The following APP variants were observed in gnomAD, a reference collection of about 807,000 sequenced individuals.
The protein encoded by APP is amyloid-beta precursor protein.
Under a neutral mutation model 101.4 loss-of-function variants are expected in APP, and 31 were observed. That is an observed-to-expected ratio of 0.31 (90% CI 0.23 to 0.41). APP has a LOEUF of 0.41. Ranked by LOEUF, APP falls within the 10% of genes least tolerant of loss-of-function variation. The pLI is 1.00. For missense variants in APP, 839 were observed against 1,003.7 expected, an observed-to-expected ratio of 0.84 and a Z score of 2.22; for synonymous variants, 366 against 364.4, an observed-to-expected ratio of 1.00 and a Z score of -0.05.
chr21:25,943,881 T>C (rs1443815774), intron 13 of APP, among the ~76,000 whole-genome samples: 3 of 152,230 alleles, frequency 2.0e-5, no homozygotes, highest in Non-Finnish European at 4.4e-5. Context: ...CAGAATACTA[T>C]ACTTAAAAAT....
intron 2 of APP, 49 bp downstream of exon 2, chr21:26,111,930 C>T: frequency 6.2e-7 from 1 of 1,607,418 alleles, no homozygotes. Context: ...TTTTTGAAAA[C>T]AAATGCATGT....
intron 1 of APP, among the ~76,000 whole-genome samples, chr21:26,141,737 T>A (rs1487719145): frequency 1.3e-5 from 2 of 152,186 alleles, no homozygotes; most frequent in African/African-American, 4.8e-5. Flanking sequence ...CAACCCTAAG[T>A]TTGGTACTTT....
intron 3 of APP, among the ~76,000 whole-genome samples, chr21:26,063,798 A>G (rs1458898681): frequency 1.3e-5 from 2 of 152,232 alleles, no homozygotes; most frequent in Non-Finnish European, 2.9e-5. Flanking sequence ...CTGCTCCTTA[A>G]TTGTGGGCTG....
chr21:25,942,307 C>T (rs1007951305), intron 13 of APP: 2 of 152,180 alleles, frequency 1.3e-5, no homozygotes, highest in African/African-American at 4.8e-5. Flanking sequence ...TCACTGGACA[C>T]AGAGACACTG....
In APP at chr21:25,880,655, A is replaced by C. The variant is rs202108412; in HGVS notation, c.*1015T>G. The C allele has an allele frequency of 1.3e-5, 2 of 152,222 alleles. No individual in the cohort carries two copies. Among genetic ancestry groups the C allele is most frequent in the Non-Finnish European group, 2.9e-5 (2 of 68,038 alleles). 9.4% of individuals were successfully genotyped at this position (152,222 alleles called of 1,614,324 possible). A position where few individuals can be genotyped will look rare whatever the true frequency, so the allele number is the denominator to read the frequency against. On this transcript the variant is annotated 3_prime_UTR_variant, in exon 18 of 18. Coordinates refer to ENST00000346798, the MANE Select transcript of APP (RefSeq NM_000484.4). ...CCAGGCATGCCTTCCTCATCCCCTT[A>C]TATTGCCACTTCCATTTTCATCTTC...
chr21:26,143,907 T>C (rs2063101619), intron 1 of APP, among the ~76,000 whole-genome samples: 1 of 152,218 alleles, frequency 6.6e-6, no homozygotes, highest in Admixed American at 6.5e-5. Context: ...GGTCAAATTA[T>C]GTAGCCTCCC....
In APP at chr21:25,975,206, G is replaced by A; in HGVS notation, c.1322C>T (p.Ser441Phe). 1 of 1,614,156 alleles carries A rather than the reference G, an allele frequency of 6.2e-7. No homozygotes were observed. The highest frequency in any genetic ancestry group is 1.3e-5 in the African/African-American group (1 of 75,044). Residue 441 changes from serine (S) to phenylalanine (F), a missense_variant, in exon 11 of 18, where the codon TCT (serine) becomes TTT (phenylalanine). Physicochemically the swap from Ser to Phe is radical, Grantham distance 155. Transcript: ENST00000346798. ...CTCGTTGGCTGCTTCCTGTTCCAAA[G>A]ATTCCACTTTCTCCTGGAAATGCTG... ...VIQHFQEKVESLEQEAANERQ... is the reference protein window; with the variant it reads ...VIQHFQEKVEFLEQEAANERQ...
intron 3 of APP, among the ~76,000 whole-genome samples, chr21:26,086,797 T>C (rs561816713): frequency 3.3e-5 from 5 of 152,356 alleles, no homozygotes; most frequent in African/African-American, 7.2e-5. Context: ...TTTAGTGCTA[T>C]TGTCTCTAAT....
intron 1 of APP, among the ~76,000 whole-genome samples, chr21:26,170,094 C>T (rs1034482554): frequency 6.6e-6 from 1 of 152,126 alleles, no homozygotes; most frequent in African/African-American, 2.4e-5. Flanking sequence ...CCTGGGCTGT[C>T]CCGACTCCTC....
chr21:25,924,801 A>G (rs1030365831), intron 13 of APP, among the ~76,000 whole-genome samples: 46 of 151,446 alleles, frequency 3.0e-4, no homozygotes, highest in African/African-American at 1.1e-3. Flanking sequence ...AAAAGCTCTG[A>G]TTTGGACACC....
At chr21:26,127,845 T>C (rs979095009) in intron 1 of APP, among the ~76,000 whole-genome samples, 1 of 152,190 alleles carries the variant, frequency 6.6e-6, no homozygotes, top group African/African-American at 2.4e-5. Flanking sequence ...CTAATCATAT[T>C]GTCTCAACTT....
At chr21:25,908,868 T>C (rs1463391264) in intron 14 of APP, among the ~76,000 whole-genome samples, 2 of 152,210 alleles carry the variant, frequency 1.3e-5, no homozygotes, top group African/African-American at 4.8e-5. Flanking sequence ...CAGAAGCACA[T>C]AGCAGGGCTG....
At chr21:26,004,463 T>C (rs2043433139) in intron 6 of APP, among the ~76,000 whole-genome samples, 1 of 149,946 alleles carries the variant, frequency 6.7e-6, no homozygotes, top group Non-Finnish European at 1.5e-5. Context: ...GCTAATTTTT[T>C]TCGATTTTTT....
chr21:25,892,514 A>C (rs1311552516), intron 16 of APP, among the ~76,000 whole-genome samples: 1 of 146,824 alleles, frequency 6.8e-6, no homozygotes, highest in Non-Finnish European at 1.5e-5. Context: ...AACCTTTAGC[A>C]GTGTAATGCT....
intron 12 of APP, among the ~76,000 whole-genome samples, chr21:25,955,321 G>A (rs1201774217): frequency 6.6e-6 from 1 of 152,064 alleles, no homozygotes; most frequent in Non-Finnish European, 1.5e-5. Context: ...AGTTGAACCA[G>A]TTTTCAAGAT....
At chr21:26,145,109 T>C (rs1160569021) in intron 1 of APP, among the ~76,000 whole-genome samples, 4 of 152,196 alleles carry the variant, frequency 2.6e-5, no homozygotes. Flanking sequence ...TGGAATGGGA[T>C]GGCTTGCCTG....
chr21:25,883,406 G>GA (rs922783986), intron 17 of APP, among the ~76,000 whole-genome samples: 23 of 147,866 alleles, frequency 1.6e-4, no homozygotes, highest in African/African-American at 4.8e-4. Context: ...CCATCTCCAA[G>GA]AAAAAAAAGG....
At position 26,154,766 on chromosome 21, in the gene APP, T is replaced by C. The variant is rs941115836; in HGVS notation, c.57+15798A>G. Among the ~76,000 whole-genome samples the C allele has an allele frequency of 2.0e-5, 3 of 152,200 alleles. No homozygotes were observed. The East Asian group carries it at 5.8e-4, about 29-fold the overall frequency. ...ACAACTCAACATCTCCAGATATTAC[T>C]TTCTTCATCTGTAAAGTGGAGAAGC... On this transcript the variant is annotated intron_variant, in intron 1 of 17. Transcript: ENST00000346798.
intron 11 of APP, among the ~76,000 whole-genome samples, chr21:25,963,185 C>A (rs1431573296): frequency 3.9e-5 from 6 of 152,124 alleles, no homozygotes; most frequent in Non-Finnish European, 7.3e-5. Flanking sequence ...TATACGATTT[C>A]TCAAATTTGG....
Sources: allele counts gnomAD v4.1 joint callset (sites outside exome capture counted in the v4.1 genomes callset), GRCh38; gene constraint gnomAD v4.1.1; transcripts MANE v1.5; gene names NCBI Gene and HGNC (gene_info 2026-07-23, HGNC 2026-07-21).